The following MAF variants were observed in gnomAD, a reference collection of about 807,000 sequenced individuals.
MAF encodes the protein MAF bZIP transcription factor, also known as transcription factor Maf.
In MAF, 10 loss-of-function variants were observed where a neutral mutation model predicts 22.0. The observed-to-expected ratio is 0.45, with a 90% CI of 0.28 to 0.77. The LOEUF is 0.77. MAF is among the 30% of genes least tolerant of loss of function. The pLI, the probability that MAF is intolerant of heterozygous loss-of-function variation, is 0.12. For missense variants in MAF, 544 were observed against 548.4 expected, an observed-to-expected ratio of 0.99 and a Z score of 0.08; for synonymous variants, 337 against 255.8, an observed-to-expected ratio of 1.32 and a Z score of -3.03.
At chr16:79,525,717 AT>A in the MAF span, among the ~76,000 whole-genome samples, 1 of 152,082 alleles carries the variant, frequency 6.6e-6, no homozygotes, top group African/African-American at 2.4e-5. Context: ...TTTTTTCTAC[AT>A]TTTTCATGTA....
the MAF span, among the ~76,000 whole-genome samples, chr16:79,463,756 T>G: frequency 6.6e-6 from 1 of 152,114 alleles, no homozygotes; most frequent in Non-Finnish European, 1.5e-5. Flanking sequence ...AAAAATTTGT[T>G]TATAACATTT....
At chr16:79,347,210 G>A in the MAF span, among the ~76,000 whole-genome samples, 3 of 152,352 alleles carry the variant, frequency 2.0e-5, no homozygotes, top group East Asian at 5.8e-4. Flanking sequence ...TGGAGGAATA[G>A]AACTTTCCGT....
At chr16:79,477,435 G>A in the MAF span, among the ~76,000 whole-genome samples, 20 of 152,264 alleles carry the variant, frequency 1.3e-4, no homozygotes, top group African/African-American at 1.7e-4. Context: ...GCTGTCTTGC[G>A]TAGGAAACAT....
the MAF span, among the ~76,000 whole-genome samples, chr16:79,577,358 C>T: frequency 5.3e-5 from 8 of 152,128 alleles, no homozygotes; most frequent in African/African-American, 1.2e-4. Flanking sequence ...ATCAACTGGT[C>T]GAGATAGTGT....
chr16:79,512,991 T>C, the MAF span, among the ~76,000 whole-genome samples: 3 of 152,248 alleles, frequency 2.0e-5, no homozygotes, highest in Non-Finnish European at 2.9e-5. Flanking sequence ...GCTCAACTCA[T>C]GTGACCACAG....
the MAF span, among the ~76,000 whole-genome samples, chr16:79,441,330 A>G: frequency 6.6e-6 from 1 of 152,190 alleles, no homozygotes; most frequent in Non-Finnish European, 1.5e-5. Flanking sequence ...CCTCTCTTAC[A>G]CACTTAAAAA....
At chr16:79,224,919 T>A in the MAF span, among the ~76,000 whole-genome samples, 13 of 152,244 alleles carry the variant, frequency 8.5e-5, no homozygotes, top group East Asian at 2.5e-3. Context: ...ATCAATATTG[T>A]GAAAATGGCC....
In MAF at chr16:79,599,204, G is replaced by T. The variant is rs1193982100; in HGVS notation, c.699C>A (p.Gly233=). The part of the protein sequence containing the change: ...SAGGGGGGGG[G]GGGGGAAGAG... ...CCCCCGCCGCGCCCCCGCCGCCTCC[G>T]CCGCCGCCGCCGCCGCCGCCGCCCC... Residue 233 remains glycine (G), a synonymous_variant, in exon 1 of 2, where the codon GGC becomes GGA. Transcript: ENST00000326043. 7.9e-6 allele frequency: 7 copies of T among 889,998 alleles called. No homozygotes were observed. The highest frequency in any genetic ancestry group is 9.4e-6 in the Non-Finnish European group (7 of 747,724). 55.1% of individuals were successfully genotyped at this position (889,998 alleles called of 1,614,324 possible).
At chr16:79,219,740 T>C in the MAF span, among the ~76,000 whole-genome samples, 8 of 152,258 alleles carry the variant, frequency 5.3e-5, no homozygotes, top group East Asian at 1.4e-3. Context: ...ACTCTGCGTC[T>C]GTGATCTCCT....
the MAF span, among the ~76,000 whole-genome samples, chr16:79,480,065 G>A: frequency 6.6e-6 from 1 of 152,124 alleles, no homozygotes; most frequent in African/African-American, 2.4e-5. Context: ...CAAGCTCCAG[G>A]GTGTAAGATT....
At chr16:79,450,976 T>C in the MAF span, among the ~76,000 whole-genome samples, 2 of 152,148 alleles carry the variant, frequency 1.3e-5, no homozygotes, top group South Asian at 2.1e-4. Context: ...CACAGGATGA[T>C]GTCTAGAGTT....
chr16:79,247,606 G>C, the MAF span, among the ~76,000 whole-genome samples: 6 of 152,108 alleles, frequency 3.9e-5, no homozygotes, highest in African/African-American at 1.4e-4. Context: ...CCTCTTCCCC[G>C]CTGGAAGTAA....
the MAF span, among the ~76,000 whole-genome samples, chr16:79,333,994 C>A: frequency 7.5e-3 from 1,140 of 152,348 alleles, 32 homozygotes; most frequent in East Asian, 0.079. Flanking sequence ...TAGGAGCATG[C>A]TTTCCCATGA....
chr16:79,474,834 T>A, the MAF span, among the ~76,000 whole-genome samples: 1 of 152,160 alleles, frequency 6.6e-6, no homozygotes, highest in African/African-American at 2.4e-5. Context: ...TTCTGAGCCA[T>A]GTCTAGAGCC....
At chr16:79,225,809 C>A in the MAF span, among the ~76,000 whole-genome samples, 1 of 152,184 alleles carries the variant, frequency 6.6e-6, no homozygotes, top group African/African-American at 2.4e-5. Context: ...TAGAGAAATG[C>A]AAATCACAAA....
chr16:79,294,015 A>T, the MAF span, among the ~76,000 whole-genome samples: 7 of 152,206 alleles, frequency 4.6e-5, no homozygotes, highest in African/African-American at 1.7e-4. Context: ...ATAAGGTAAG[A>T]TACCACGATT....
the MAF span, among the ~76,000 whole-genome samples, chr16:79,504,961 G>T: frequency 6.6e-6 from 1 of 152,110 alleles, no homozygotes; most frequent in African/African-American, 2.4e-5. Context: ...AATTCTGTTT[G>T]GGGGTTGCCA....
At chr16:79,205,404 G>C in the MAF span, 1 of 152,176 alleles carries the variant, frequency 6.6e-6, no homozygotes, top group Non-Finnish European at 1.5e-5. Flanking sequence ...TGCTAGCAAA[G>C]AAATATTTTT....
the MAF span, among the ~76,000 whole-genome samples, chr16:79,560,108 G>A: frequency 6.6e-6 from 1 of 151,958 alleles, no homozygotes; most frequent in Non-Finnish European, 1.5e-5. Flanking sequence ...ATGGGGTCTT[G>A]CTACTTTGCC....
Sources: allele counts gnomAD v4.1 joint callset (sites outside exome capture counted in the v4.1 genomes callset), GRCh38; gene constraint gnomAD v4.1.1; transcripts MANE v1.5; gene names NCBI Gene and HGNC (gene_info 2026-07-23, HGNC 2026-07-21).